Variants in FHIT observed in about 807,000 individuals in gnomAD.
FHIT encodes fragile histidine triad diadenosine triphosphatase, also known as bis(5'-adenosyl)-triphosphatase.
FHIT carries 19 observed loss-of-function variants against 17.9 expected under a neutral mutation model. The ratio of observed to expected loss-of-function variants is 1.06; its 90% CI spans 0.74 to 1.56. The LOEUF (loss-of-function observed/expected upper bound fraction) is 1.56. FHIT is among the 40% of genes most tolerant of loss of function. The probability of loss-of-function intolerance (pLI) is 0.00; values close to 1 mark genes in which losing one functional copy is unlikely to be tolerated. For missense variants in FHIT, 248 were observed against 189.2 expected (o/e 1.31, Z -1.82); for synonymous variants, 81 against 69.7 (o/e 1.16, Z -0.81).
At chr3:61,162,460 C>G (rs1312711509) in intron 2 of FHIT, among the ~76,000 whole-genome samples, 1 of 152,200 alleles carries the variant, frequency 6.6e-6, no homozygotes, top group African/African-American at 2.4e-5. Context: ...GTGGATCATA[C>G]TCAAGGTAGT....
chr3:60,670,969 A>G (rs563962737), intron 4 of FHIT, among the ~76,000 whole-genome samples: 2 of 152,344 alleles, frequency 1.3e-5, no homozygotes, highest in South Asian at 2.1e-4. Context: ...ATACAATATT[A>G]TATAGAATAA....
At chr3:61,213,612 A>G (rs1214466554) in intron 1 of FHIT, among the ~76,000 whole-genome samples, 1 of 152,232 alleles carries the variant, frequency 6.6e-6, no homozygotes, top group Non-Finnish European at 1.5e-5. Context: ...CAGAAAGTTA[A>G]CAAGGATATC....
chr3:59,891,017 C>T (rs1012552444), intron 8 of FHIT, among the ~76,000 whole-genome samples: 1 of 152,176 alleles, frequency 6.6e-6, no homozygotes, highest in African/African-American at 2.4e-5. Flanking sequence ...TTTAATTACA[C>T]AAGCATGCAC....
chr3:61,201,650 G>C (rs2039016493), intron 1 of FHIT, among the ~76,000 whole-genome samples: 1 of 151,948 alleles, frequency 6.6e-6, no homozygotes, highest in Non-Finnish European at 1.5e-5. Flanking sequence ...GACCACCAAA[G>C]AACAGGTCAG....
At chr3:61,041,347 A>T (rs1045339355) in intron 3 of FHIT, among the ~76,000 whole-genome samples, 2 of 151,958 alleles carry the variant, frequency 1.3e-5, no homozygotes, top group African/African-American at 4.8e-5. Flanking sequence ...ACTGCACTGC[A>T]GCCTGGTGAC....
chr3:61,209,118 T>G (rs1327431099), intron 1 of FHIT, among the ~76,000 whole-genome samples: 3 of 152,118 alleles, frequency 2.0e-5, no homozygotes, highest in African/African-American at 7.2e-5. Context: ...TGAAAATTCT[T>G]TCCTTTAAGA....
chr3:60,787,759 C>G (rs1700633047), intron 4 of FHIT, among the ~76,000 whole-genome samples: 1 of 152,142 alleles, frequency 6.6e-6, no homozygotes, highest in East Asian at 1.9e-4. Context: ...AATTTGTCAC[C>G]CAACATGTAC....
intron 5 of FHIT, among the ~76,000 whole-genome samples, chr3:60,199,238 CAT>C (rs1270266333): frequency 3.9e-5 from 6 of 152,194 alleles, no homozygotes; most frequent in Non-Finnish European, 8.8e-5. Context: ...AGCCTGAGAA[CAT>C]GTTACATCAT....
chr3:60,940,634 C>A (rs782629114), intron 3 of FHIT, among the ~76,000 whole-genome samples: 1 of 151,994 alleles, frequency 6.6e-6, no homozygotes, highest in Non-Finnish European at 1.5e-5. Context: ...TTTTTTCATA[C>A]ACAGAGAGCC....
At chr3:60,004,536 T>C (rs767735209) in intron 7 of FHIT, among the ~76,000 whole-genome samples, 3 of 152,146 alleles carry the variant, frequency 2.0e-5, no homozygotes, top group Non-Finnish European at 4.4e-5. Context: ...ACCAACATTA[T>C]TCCAAGCAGA....
chr3:61,219,378 G>A (rs951458389), intron 1 of FHIT, among the ~76,000 whole-genome samples: 4 of 149,452 alleles, frequency 2.7e-5, no homozygotes, highest in African/African-American at 9.8e-5. Context: ...TGTGTGTCCT[G>A]GCTATCCAAA....
intron 6 of FHIT, among the ~76,000 whole-genome samples, chr3:60,012,105 CCTGA>C (rs1274518957): frequency 1.3e-5 from 2 of 152,044 alleles, no homozygotes; most frequent in African/African-American, 2.4e-5. Context: ...CCTCTATGAG[CCTGA>C]CTAACGGGGT....
At chr3:61,212,948 C>G (rs983545852) in intron 1 of FHIT, among the ~76,000 whole-genome samples, 49 of 152,290 alleles carry the variant, frequency 3.2e-4, no homozygotes, top group Middle Eastern at 3.4e-3. Context: ...TACAGACAAG[C>G]AAATGCTGAG....
At chr3:60,235,356 G>C (rs932634539) in intron 5 of FHIT, among the ~76,000 whole-genome samples, 7 of 151,202 alleles carry the variant, frequency 4.6e-5, no homozygotes, top group African/African-American at 1.7e-4. Context: ...TCAACCTCCT[G>C]AGTAGCTGGG....
chr3:60,985,183 T>C (rs965439634), intron 3 of FHIT, among the ~76,000 whole-genome samples: 2 of 152,220 alleles, frequency 1.3e-5, no homozygotes, highest in Non-Finnish European at 2.9e-5. Flanking sequence ...CCACACCTTC[T>C]TGATGCCATA....
chr3:60,913,264 A>G (rs1553766359), intron 3 of FHIT, among the ~76,000 whole-genome samples: 1 of 152,242 alleles, frequency 6.6e-6, no homozygotes, highest in African/African-American at 2.4e-5. Flanking sequence ...TGAATGAGCC[A>G]GTACAGAATT....
chr3:60,195,974 G>T (rs1022263537), intron 5 of FHIT, among the ~76,000 whole-genome samples: 2 of 151,990 alleles, frequency 1.3e-5, no homozygotes, highest in South Asian at 4.1e-4. Context: ...AGGCTTGACT[G>T]CTATACAATT....
At chr3:60,732,125 G>C (rs1442905386) in intron 4 of FHIT, 6 of 718,470 alleles carry the variant, frequency 8.4e-6, no homozygotes, top group African/African-American at 3.5e-5. Context: ...TGGTGGTTAA[G>C]AGAAAACACA....
rs372043064 is a variant in FHIT, at chr3:59,851,229, C to T, written c.348+71117G>A. Reference sequence around the variant, plus strand: ...TGGTGTAATCCTCATAGCTCAAAAACGATCAGAGCTCATTAATTATTAACT... The same window carrying T: ...TGGTGTAATCCTCATAGCTCAAAAATGATCAGAGCTCATTAATTATTAACT... On this transcript the variant is annotated intron_variant, in intron 8 of 9. Transcript: ENST00000492590. 7.9e-4 allele frequency among the ~76,000 whole-genome samples: 120 copies of T among 152,174 alleles called. 1 individual carries two copies. The highest frequency in any genetic ancestry group is 2.6e-3 in the African/African-American group (109 of 41,508).
Sources: allele counts gnomAD v4.1 joint callset (sites outside exome capture counted in the v4.1 genomes callset), GRCh38; gene constraint gnomAD v4.1.1; transcripts MANE v1.5; gene names NCBI Gene and HGNC (gene_info 2026-07-23, HGNC 2026-07-21).